The following PNKP variants were observed in gnomAD, a reference collection of about 807,000 sequenced individuals.
PNKP encodes bifunctional polynucleotide phosphatase/kinase.
PNKP carries 82 observed loss-of-function variants against 66.2 expected under a neutral mutation model. The observed-to-expected ratio is 1.24, with a 90% CI of 1.04 to 1.49. The LOEUF is 1.49. PNKP is among the 40% of genes most tolerant of loss of function. PNKP has a pLI of 0.00. For missense variants in PNKP, 907 were observed against 706.8 expected (o/e 1.28, Z -3.21); for synonymous variants, 412 against 298.9 (o/e 1.38, Z -3.90).
Position 49,865,373 on chromosome 19 carries a change from C to T in PNKP, c.252G>A (p.Glu84=). 6.2e-7 allele frequency: 1 copy of T among 1,613,400 alleles called. No individual in the cohort carries two copies. The highest frequency in any genetic ancestry group is 8.5e-7 in the Non-Finnish European group (1 of 1,179,710). ...TGTQELKPGL[E]GSLGVGDTLY... is the part of the protein sequence containing the mutation. ...GTGTGTCCCCCACCCCCAGAGAGCC[C>T]TCCAACCCCGGCTTCAACTCCTGGG... Residue 84 remains glutamate, a synonymous_variant, in exon 4 of 17, where the codon GAG becomes GAA. Coordinates refer to ENST00000322344, the MANE Select transcript of PNKP (RefSeq NM_007254.4).
At chr19:49,862,495 C>CCAGGGT in intron 10 of PNKP, 32 bp from the exon 11 acceptor site, 1 of 1,597,544 alleles carries the variant, frequency 6.3e-7, no homozygotes, top group Non-Finnish European at 8.5e-7. Flanking sequence ...CAGACACAGG[C>CCAGGGT]CAGGGTCGGG....
chr19:49,862,380 GGCTGGGAGCTCGAAGCCGGCT>G lies in PNKP; in HGVS notation c.999_1019del (p.Ala334_Ala340del), dbSNP rs2074780699. On this transcript the variant is annotated inframe_deletion, in exon 11 of 17. Coordinates refer to ENST00000322344, the MANE Select transcript of PNKP (RefSeq NM_007254.4). Reference sequence around the variant, plus strand: ...CGCCCCAGGGCCTCACCGGATCAAAGGCTGGGAGCTCGAAGCCGGCTGCTGGCCACTTGAGAAAGAACTCCT... The same window carrying G: ...CGCCCCAGGGCCTCACCGGATCAAAGGCTGGCCACTTGAGAAAGAACTCCT... 2 of 1,482,320 alleles carry G rather than the reference GGCTGGGAGCTCGAAGCCGGCT, an allele frequency of 1.3e-6. No homozygotes were observed. The highest frequency in any genetic ancestry group is 5.3e-5 in the East Asian group (2 of 38,010). The allele number at this position is 1,482,320 out of a possible 1,614,324, so 91.8% of individuals were successfully genotyped here. A position where few individuals can be genotyped will look rare whatever the true frequency, so the allele number is the denominator to read the frequency against.
rs150644303 is a variant in PNKP, at chr19:49,862,413, G to A, written c.987C>T (p.Leu329=). The change falls in exon 11 of 17, where the codon CTC becomes CTT. Residue 329 remains leucine (L), a synonymous_variant. Transcript: ENST00000322344. ...LPFATPEEFF[L]KWPAAGFELP... Reference sequence around the variant, plus strand: ...GCTCGAAGCCGGCTGCTGGCCACTTGAGAAAGAACTCCTCAGGCGTGGCGA... The same window carrying A: ...GCTCGAAGCCGGCTGCTGGCCACTTAAGAAAGAACTCCTCAGGCGTGGCGA... 36 of 1,571,718 alleles carry A rather than the reference G, an allele frequency of 2.3e-5. No homozygotes were observed. The South Asian group carries it at 4.0e-4, about 17-fold the overall frequency.
chr19:49,862,299 C>T lies in PNKP; in HGVS notation c.1030-18G>A. ...ACAGTCCTCTGCGAGGGGCGGGGGA[C>T]ACGCGTGAGATGCCGTCCCCATCCC... On this transcript the variant is annotated intron_variant, in intron 11 of 16. Coordinates refer to ENST00000322344, the MANE Select transcript of PNKP (RefSeq NM_007254.4). 1 of 1,563,800 alleles carries T rather than the reference C, an allele frequency of 6.4e-7. No individual in the cohort carries two copies. Among genetic ancestry groups the T allele is most frequent in the African/African-American group, 1.3e-5 (1 of 74,182 alleles).
rs1210479465 is a variant in PNKP, at chr19:49,861,615, T to C, written c.1379A>G (p.Asn460Ser). 1 of 1,556,914 alleles carries C rather than the reference T, an allele frequency of 6.4e-7. No individual in the cohort carries two copies. Among genetic ancestry groups the C allele is most frequent in the Admixed American group, 1.9e-5 (1 of 51,628 alleles). ...CGGGCTGAGCGGGCTCACCCGGTTGTTGTGGCGCGCCTGCTCCAGAGTGGC... is the reference window on the plus strand; with the variant it reads ...CGGGCTGAGCGGGCTCACCCGGTTGCTGTGGCGCGCCTGCTCCAGAGTGGC... ...FTATLEQARH[N>S]NRFREMTDSS... is the part of the protein sequence containing the mutation. The change falls in exon 15 of 17, where the codon AAC becomes AGC. Residue 460 changes from asparagine to serine, a missense_variant. Transcript: ENST00000322344.
At position 49,865,433 on chromosome 19, in the gene PNKP, A is replaced by G. The variant is rs904994238; in HGVS notation, c.199-7T>C. ...TTGAGGGGTTAACTCCCAGCTGCAG[A>G]AAGAGAGGGAGGAGCTGGGACTGGC... On this transcript the variant is annotated splice_polypyrimidine_tract_variant and splice_region_variant and intron_variant, in intron 3 of 16. Transcript: ENST00000322344. The G allele has an allele frequency of 1.9e-6, 3 of 1,592,732 alleles. No homozygotes were observed. Among genetic ancestry groups the G allele is most frequent in the Non-Finnish European group, 1.7e-6 (2 of 1,168,970 alleles).
In PNKP at chr19:49,863,713, GC is replaced by G; in HGVS notation, c.791del (p.Gly264AlafsTer98). On this transcript the variant is annotated frameshift_variant, in exon 8 of 17. Coordinates refer to ENST00000322344, the MANE Select transcript of PNKP (RefSeq NM_007254.4). LOFTEE classifies it high-confidence loss of function. ...CCTGCTCCTGCAGATGGTCCCACAT[GC>G]CCGTCACCGGCTTCCGGTACAAGCC... is the stretch of plus-strand genomic sequence containing the variant. Reference protein sequence around the residue: ...HAGLYRKPVTGMWDHLQEQAN... With the variant: ...HAGLYRKPVTXMWDHLQEQAN... 1 of 1,556,990 alleles carries G rather than the reference GC, an allele frequency of 6.4e-7. No individual in the cohort carries two copies. The highest frequency in any genetic ancestry group is 8.7e-7 in the Non-Finnish European group (1 of 1,149,766).
chr19:49,866,421 G>T lies in PNKP; in HGVS notation c.176C>A (p.Thr59Asn). 6.2e-7 allele frequency: 1 copy of T among 1,614,142 alleles called. No homozygotes were observed. ...TQVELVADPETRTVAVKQLGV... is the reference protein window; with the variant it reads ...TQVELVADPENRTVAVKQLGV... ...TACCTGTTTCACTGCCACTGTCCGG[G>T]TCTCAGGATCTGCGACCAGCTCCAC... The change falls in exon 3 of 17, where the codon ACC becomes AAC. Residue 59 changes from threonine (T) to asparagine (N), a missense_variant. Thr to Asn is a moderately conservative substitution (Grantham distance 65). Coordinates refer to ENST00000322344, the MANE Select transcript of PNKP (RefSeq NM_007254.4).
intron 8 of PNKP, 59 bp downstream of exon 8, chr19:49,863,630 C>A: frequency 2.2e-6 from 3 of 1,337,838 alleles, no homozygotes; most frequent in Non-Finnish European, 3.1e-6. Context: ...CCGGGGAGCC[C>A]AGGAGTGAGG....
chr19:49,864,582 C>T (rs1375460837), intron 4 of PNKP, among the ~76,000 whole-genome samples, 179 bp from the exon 5 acceptor site: 2 of 152,154 alleles, frequency 1.3e-5, no homozygotes, highest in South Asian at 2.1e-4. Flanking sequence ...GAGTGGGGCC[C>T]GACATCTTAA....
chr19:49,864,599 T>C (rs568734109), intron 4 of PNKP, among the ~76,000 whole-genome samples, 196 bp from the exon 5 acceptor site: 2 of 152,184 alleles, frequency 1.3e-5, no homozygotes, highest in Non-Finnish European at 2.9e-5. Flanking sequence ...TTAACCTTAC[T>C]GTCTCCTGTT....
In PNKP at chr19:49,862,252, G is replaced by T. The variant is rs1337771339; in HGVS notation, c.1059C>A (p.Cys353Ter). ...PRTVSRSGPL[C>*]LPESRALLSA... ...TCAGGAGGGCCCTGGACTCGGGGAG[G>T]CAGAGAGGCCCTGAGCGGGAGACAG... The change falls in exon 12 of 17, where the codon TGC becomes TGA. Residue 353 changes from cysteine to a stop codon, truncating the protein, a stop_gained. Coordinates refer to ENST00000322344, the MANE Select transcript of PNKP (RefSeq NM_007254.4). LOFTEE classifies it high-confidence loss of function. 1 of 1,608,760 alleles carries T rather than the reference G, an allele frequency of 6.2e-7. No individual in the cohort carries two copies. Among genetic ancestry groups the T allele is most frequent in the Admixed American group, 1.7e-5 (1 of 59,078 alleles).
rs1159488769 is a variant in PNKP at position 49,861,668 on chromosome 19, G to A, written c.1326C>T (p.Gly442=). The change falls in exon 15 of 17, where the codon GGC becomes GGT. Residue 442 remains glycine, a synonymous_variant. Transcript: ENST00000322344. ...TGAAGAGGAAGCAGCGGCAGGGGAC[G>A]CCCGCGGCTCGGGCACACTGGACGT... ...ARYVQCARAA[G]VPCRCFLFTA... The A allele has an allele frequency of 1.9e-6, 3 of 1,548,408 alleles. No individual in the cohort carries two copies. The African/African-American group carries it at 4.1e-5, about 21-fold the overall frequency.
intron 6 of PNKP, 44 bp from the exon 7 acceptor site, chr19:49,864,115 C>T: frequency 6.2e-7 from 1 of 1,611,298 alleles, no homozygotes; most frequent in South Asian, 1.1e-5. Context: ...TCACCAGGGC[C>T]TTGGTCTGAC....
At position 49,867,496 on chromosome 19, in the gene PNKP, A is replaced by G. The variant is rs1327314092; in HGVS notation, c.-41T>C. The G allele has an allele frequency of 2.1e-6, 1 of 473,066 alleles. No individual in the cohort carries two copies. Among genetic ancestry groups the G allele is most frequent in the African/African-American group, 2.0e-5 (1 of 50,874 alleles). The allele number at this position is 473,066 out of a possible 1,614,324, so 29.3% of individuals were successfully genotyped here. A position where few individuals can be genotyped will look rare whatever the true frequency, so the allele number is the denominator to read the frequency against. ...GGGACCGCGGCTTGGGCTCACGGCC[A>G]CTTCCGACCAGGGAGGTCCTGCCCG... On this transcript the variant is annotated 5_prime_UTR_variant, in exon 1 of 17. Transcript: ENST00000322344.
chr19:49,863,580 G>T, intron 8 of PNKP, 109 bp downstream of exon 8: 1 of 766,846 alleles, frequency 1.3e-6, no homozygotes. Context: ...GAAGGAGGGA[G>T]CGAGAGAGGA....
At position 49,866,911 on chromosome 19, in the gene PNKP, T is replaced by C. The variant is rs1350669272; in HGVS notation, c.151+143A>G. The C allele has an allele frequency of 5.7e-5, 48 of 840,426 alleles. No homozygotes were observed. In the South Asian group the frequency reaches 6.2e-4, roughly 11 times the overall value. 52.1% of individuals were successfully genotyped at this position (840,426 alleles called of 1,614,324 possible). On this transcript the variant is annotated intron_variant, in intron 2 of 16. Coordinates refer to ENST00000322344, the MANE Select transcript of PNKP (RefSeq NM_007254.4). ...CTAATTCTAAATCAAGCACAAACTT[T>C]ATCTTCCTGTACTCCCTAGAGAGCA...
At chr19:49,861,566 AGGGGGTGCAGCCCG>A in intron 15 of PNKP, 28 bp downstream of exon 15, 1 of 164,976 alleles carries the variant, frequency 6.1e-6, no homozygotes, top group South Asian at 9.7e-5. Flanking sequence ...GAGGGGGGTC[AGGGGGTGCAGCCCG>A]GGGGGTGTCC....
At position 49,862,184 on chromosome 19, in the gene PNKP, C is replaced by G. The variant is rs1415935726; in HGVS notation, c.1126+1G>C. The G allele has an allele frequency of 2.5e-6, 4 of 1,613,634 alleles. No individual in the cohort carries two copies. Among genetic ancestry groups the G allele is most frequent in the Non-Finnish European group, 2.5e-6 (3 of 1,179,732 alleles). On this transcript the variant is annotated splice_donor_variant, in intron 12 of 16. Transcript: ENST00000322344. LOFTEE classifies it high-confidence loss of function. ...CACGCGCACAGGAACAGGACACTTA[C>G]CCCCAGGGAATCCCACTGCGACAAC... is the stretch of plus-strand genomic sequence containing the variant.
Sources: allele counts gnomAD v4.1 joint callset (sites outside exome capture counted in the v4.1 genomes callset), GRCh38; gene constraint gnomAD v4.1.1; transcripts MANE v1.5; gene names NCBI Gene and HGNC (gene_info 2026-07-23, HGNC 2026-07-21).